WWOX: variants seen among roughly 807,000 people sequenced by gnomAD.
WWOX encodes the protein WW domain containing oxidoreductase, also known as WW domain-containing oxidoreductase.
In WWOX, 69 loss-of-function variants were observed where a neutral mutation model predicts 46.2. That is an observed-to-expected ratio of 1.49 (90% confidence interval 1.23 to 1.82). The LOEUF is 1.82. Among genes scored for constraint, WWOX ranks in the 40% most tolerant of loss-of-function variants. The pLI, the probability that WWOX is intolerant of heterozygous loss-of-function variation, is 0.00. For synonymous variants in WWOX, 359 were observed against 202.6 expected (o/e 1.77, Z -6.56); for missense variants, 919 against 542.6 (o/e 1.69, Z -6.89).
intron 8 of WWOX, among the ~76,000 whole-genome samples, chr16:79,065,684 G>T (rs892294348): frequency 3.3e-5 from 5 of 152,152 alleles, no homozygotes; most frequent in African/African-American, 1.2e-4. Context: ...TAACCTTGTG[G>T]CCTTTTAGGA....
At chr16:78,306,170 G>A (rs1388573915) in intron 5 of WWOX, among the ~76,000 whole-genome samples, 3 of 152,106 alleles carry the variant, frequency 2.0e-5, no homozygotes, top group African/African-American at 7.2e-5. Context: ...TAGTGAACGG[G>A]TGGCTTCTTC....
chr16:78,180,414 A>C (rs1341959973), intron 5 of WWOX, among the ~76,000 whole-genome samples: 2 of 151,952 alleles, frequency 1.3e-5, no homozygotes, highest in African/African-American at 4.8e-5. Flanking sequence ...GGGTAAATCC[A>C]GCTGCACCCA....
chr16:78,857,200 T>C (rs2052587045), intron 8 of WWOX, among the ~76,000 whole-genome samples: 1 of 152,084 alleles, frequency 6.6e-6, no homozygotes, highest in Non-Finnish European at 1.5e-5. Flanking sequence ...AACCTCCTAA[T>C]AGAAAAATGG....
chr16:79,013,445 T>C (rs2047352225), intron 8 of WWOX, among the ~76,000 whole-genome samples: 1 of 152,122 alleles, frequency 6.6e-6, no homozygotes, highest in Non-Finnish European at 1.5e-5. Context: ...TTTCCCTTCT[T>C]TGTTTCTCTT....
intron 6 of WWOX, among the ~76,000 whole-genome samples, chr16:78,412,276 T>A (rs559775348): frequency 9.2e-5 from 14 of 152,224 alleles, no homozygotes; most frequent in East Asian, 3.9e-4. Flanking sequence ...ATAAAGGGTA[T>A]CAGGACGGGG....
Position 78,359,155 on chromosome 16 carries a change from C to T in WWOX, c.517-27705C>T, listed in dbSNP as rs116383889. On this transcript the variant is annotated intron_variant, in intron 5 of 8. Coordinates refer to ENST00000566780, the MANE Select transcript of WWOX (RefSeq NM_016373.4). ...GTCTGAGTGTCTGTACCTTCCTATA[C>T]CTTCACCATATCATGTATTTGTCAT... Among the ~76,000 whole-genome samples the T allele has an allele frequency of 2.8e-3, 429 of 152,248 alleles. 5 individuals carry two copies. Among genetic ancestry groups the T allele is most frequent in the African/African-American group, 9.7e-3 (403 of 41,548 alleles).
rs11417162 is a variant in WWOX at position 78,823,781 on chromosome 16, AT to A, written c.1057-387814del. Among the ~76,000 whole-genome samples, 254 of 147,660 alleles carry A rather than the reference AT, an allele frequency of 1.7e-3. 3 individuals carry two copies. Among genetic ancestry groups the A allele is most frequent in the African/African-American group, 5.3e-3 (214 of 40,160 alleles). On this transcript the variant is annotated intron_variant, in intron 8 of 8. Coordinates refer to ENST00000566780, the MANE Select transcript of WWOX (RefSeq NM_016373.4). Reference sequence around the variant, plus strand: ...CTACCCTGAGCTTTCTAGACTTGTTATTTTTTTTTTTTTAAGACAGAATCTT... The same window carrying A: ...CTACCCTGAGCTTTCTAGACTTGTTATTTTTTTTTTTTAAGACAGAATCTT...
At chr16:78,686,056 G>A (rs1048092268) in intron 8 of WWOX, among the ~76,000 whole-genome samples, 4 of 152,278 alleles carry the variant, frequency 2.6e-5, no homozygotes, top group African/African-American at 9.6e-5. Flanking sequence ...AAAAGGAAAA[G>A]AAAGTGCAAG....
At chr16:78,597,432 C>A (rs1029482317) in intron 8 of WWOX, among the ~76,000 whole-genome samples, 1 of 152,216 alleles carries the variant, frequency 6.6e-6, no homozygotes, top group East Asian at 1.9e-4. Flanking sequence ...CATCAGTGGG[C>A]GTTTTATGTT....
At chr16:78,704,038 C>A (rs2048281157) in intron 8 of WWOX, among the ~76,000 whole-genome samples, 2 of 152,120 alleles carry the variant, frequency 1.3e-5, no homozygotes, top group Non-Finnish European at 2.9e-5. Flanking sequence ...CTATCCATCT[C>A]CAAGTGAACT....
At chr16:78,208,068 T>C (rs1481089524) in intron 5 of WWOX, among the ~76,000 whole-genome samples, 2 of 152,188 alleles carry the variant, frequency 1.3e-5, no homozygotes, top group Non-Finnish European at 2.9e-5. Flanking sequence ...CCGCCTTGGC[T>C]TCCCAAAATG....
intron 8 of WWOX, among the ~76,000 whole-genome samples, chr16:78,835,735 C>T (rs918732667): frequency 6.6e-6 from 1 of 152,090 alleles, no homozygotes; most frequent in Non-Finnish European, 1.5e-5. Flanking sequence ...AAACTAGGCT[C>T]CAGGGAGAAA....
At chr16:79,004,541 A>G (rs1209779522) in intron 8 of WWOX, 1 of 152,356 alleles carries the variant, frequency 6.6e-6, no homozygotes, top group Non-Finnish European at 1.5e-5. Context: ...ACACTGTGTG[A>G]CTGTGAGCTC....
chr16:78,712,598 C>T (rs1190033390), intron 8 of WWOX, among the ~76,000 whole-genome samples: 2 of 151,882 alleles, frequency 1.3e-5, no homozygotes, highest in African/African-American at 2.4e-5. Context: ...TTTAGGGGAA[C>T]CTGCTCTCAA....
At chr16:78,768,961 A>G (rs1044640212) in intron 8 of WWOX, among the ~76,000 whole-genome samples, 3 of 152,174 alleles carry the variant, frequency 2.0e-5, no homozygotes, top group African/African-American at 7.2e-5. Context: ...GAGCATCAGA[A>G]TAAAACCAAG....
At chr16:78,130,326 A>T (rs1291408862) in intron 4 of WWOX, among the ~76,000 whole-genome samples, 1 of 152,114 alleles carries the variant, frequency 6.6e-6, no homozygotes, top group Non-Finnish European at 1.5e-5. Flanking sequence ...AACTTTCCTT[A>T]AGCTATGTGA....
chr16:78,642,130 C>G (rs2046733000), intron 8 of WWOX, among the ~76,000 whole-genome samples: 1 of 152,146 alleles, frequency 6.6e-6, no homozygotes, highest in South Asian at 2.1e-4. Context: ...TTCTCTCCAT[C>G]TAACAAGAAA....
intron 8 of WWOX, among the ~76,000 whole-genome samples, chr16:78,715,913 C>T (rs910665262): frequency 7.9e-5 from 12 of 152,264 alleles, no homozygotes; most frequent in Non-Finnish European, 1.5e-4. Flanking sequence ...TGGAAGCCTG[C>T]CAGAGGTAGA....
intron 8 of WWOX, among the ~76,000 whole-genome samples, chr16:79,154,203 C>A (rs935449349): frequency 6.6e-6 from 1 of 152,158 alleles, no homozygotes. Flanking sequence ...CCACTAAATC[C>A]TTTTAATTTA....
Sources: gnomAD v4.1 joint callset for allele counts (sites outside exome capture counted in the v4.1 genomes callset) on GRCh38, gnomAD v4.1.1 for gene constraint, MANE v1.5 for transcripts, NCBI Gene and HGNC (gene_info 2026-07-23, HGNC 2026-07-21) for gene names.